Variants in DCBLD2 observed in about 807,000 individuals in gnomAD.
The protein encoded by DCBLD2 is discoidin, CUB and LCCL domain containing 2, also known as discoidin, CUB and LCCL domain-containing protein 2.
A neutral mutation model predicts 86.8 loss-of-function variants in DCBLD2; 54 were observed. The ratio of observed to expected loss-of-function variants is 0.62; its 90% CI spans 0.50 to 0.78. The LOEUF is 0.78. Among genes scored for constraint, DCBLD2 ranks in the 30% least tolerant of loss-of-function variants. The probability of loss-of-function intolerance (pLI) is 0.00; values close to 1 mark genes in which losing one functional copy is unlikely to be tolerated. For synonymous variants in DCBLD2, 354 were observed against 341.3 expected (o/e 1.04, Z -0.41); for missense variants, 908 against 954.2 (o/e 0.95, Z 0.64).
intron 5 of DCBLD2, 32 bp from the exon 6 acceptor site, chr3:98,822,393 T>C (rs761580464): frequency 6.3e-7 from 1 of 1,596,792 alleles, no homozygotes; most frequent in East Asian, 2.2e-5. Flanking sequence ...GATTCATTTT[T>C]AATTTTCTCT....
In DCBLD2 at chr3:98,799,175, G is replaced by T; in HGVS notation, c.*197C>A. On this transcript the variant is annotated 3_prime_UTR_variant, in exon 16 of 16. Coordinates refer to ENST00000326840, the MANE Select transcript of DCBLD2 (RefSeq NM_080927.4). Reference sequence around the variant, plus strand: ...AAACAGGACATTTGAAATTTAACAGGCGAGCAGTAACTGTGCCACCATAAC... The same window carrying T: ...AAACAGGACATTTGAAATTTAACAGTCGAGCAGTAACTGTGCCACCATAAC... 1.8e-6 allele frequency: 1 copy of T among 555,700 alleles called. No homozygotes were observed. The highest frequency in any genetic ancestry group is 3.1e-6 in the Non-Finnish European group (1 of 322,702). The allele number at this position is 555,700 out of a possible 1,614,324, so 34.4% of individuals were successfully genotyped here.
chr3:98,864,295 G>C (rs201102845), intron 2 of DCBLD2, among the ~76,000 whole-genome samples: 1 of 152,200 alleles, frequency 6.6e-6, no homozygotes, highest in Non-Finnish European at 1.5e-5. Flanking sequence ...AGACAGTGTG[G>C]CAATTCCTCA....
chr3:98,892,317 TG>T (rs1943676209), intron 1 of DCBLD2, among the ~76,000 whole-genome samples: 1 of 152,022 alleles, frequency 6.6e-6, no homozygotes, highest in African/African-American at 2.4e-5. Context: ...TCTTTATAAA[TG>T]TAACACTCTT....
chr3:98,859,847 G>A (rs956567243), intron 2 of DCBLD2, among the ~76,000 whole-genome samples: 1 of 152,206 alleles, frequency 6.6e-6, no homozygotes, highest in Non-Finnish European at 1.5e-5. Flanking sequence ...GCAGCTCCTC[G>A]CCAGCAACGG....
chr3:98,797,548 T>C lies in DCBLD2; in HGVS notation c.*1824A>G, dbSNP rs1458190958. The stretch of plus-strand genomic sequence containing the variant: ...TATATGTGCTTTCCACATCCATATA[T>C]GTTTTAATAAAAGTCTACCATCTAT... On this transcript the variant is annotated 3_prime_UTR_variant, in exon 16 of 16. Transcript: ENST00000326840. 6.6e-6 allele frequency: 1 copy of C among 152,526 alleles called. No individual in the cohort carries two copies. The highest frequency in any genetic ancestry group is 6.5e-5 in the Admixed American group (1 of 15,282). The allele number at this position is 152,526 out of a possible 1,614,324, so 9.4% of individuals were successfully genotyped here.
chr3:98,871,902 C>G (rs760877625), intron 2 of DCBLD2, among the ~76,000 whole-genome samples: 7 of 152,128 alleles, frequency 4.6e-5, no homozygotes, highest in Non-Finnish European at 7.4e-5. Flanking sequence ...TCCATCTGGT[C>G]CTGGGCATTC....
rs1015752996 is a variant in DCBLD2, at chr3:98,817,892, G to A, written c.1089C>T (p.Gly363=). 2 of 1,612,746 alleles carry A rather than the reference G, an allele frequency of 1.2e-6. No homozygotes were observed. Among genetic ancestry groups the A allele is most frequent in the Non-Finnish European group, 8.5e-7 (1 of 1,179,180 alleles). Residue 363 remains glycine (G), a splice_region_variant and synonymous_variant, in exon 9 of 16, where the codon GGC becomes GGT. Transcript: ENST00000326840. ...CCATGGTGGATCCAGTGGTTATAATGCCTGGGGAATGAAGAGTTGCTTTCA... is the reference window on the plus strand; with the variant it reads ...CCATGGTGGATCCAGTGGTTATAATACCTGGGGAATGAAGAGTTGCTTTCA... The part of the protein sequence containing the change: ...IDLNKEKKIT[G]IITTGSTMVE...
chr3:98,822,936 C>A (rs572126539), intron 4 of DCBLD2, among the ~76,000 whole-genome samples, 195 bp from the exon 5 acceptor site: 2 of 152,254 alleles, frequency 1.3e-5, no homozygotes, highest in East Asian at 3.9e-4. Flanking sequence ...GCAATGGCAC[C>A]TTCTTGGCTC....
At chr3:98,800,855 T>TC (rs1941706126) in intron 14 of DCBLD2, 139 bp from the exon 15 acceptor site, 4 of 653,954 alleles carry the variant, frequency 6.1e-6, no homozygotes, top group Admixed American at 4.6e-5. Flanking sequence ...TAATCCAACT[T>TC]TTTTTTTTTT....
At chr3:98,823,859 G>C (rs1038469076) in intron 4 of DCBLD2, among the ~76,000 whole-genome samples, 1 of 152,154 alleles carries the variant, frequency 6.6e-6, no homozygotes, top group South Asian at 2.1e-4. Context: ...ATGGGGTCTG[G>C]AGTCCATGCT....
At chr3:98,808,866 T>C (rs942506156) in intron 12 of DCBLD2, among the ~76,000 whole-genome samples, 4 of 152,130 alleles carry the variant, frequency 2.6e-5, no homozygotes, top group African/African-American at 9.7e-5. Flanking sequence ...AAAAGATGCA[T>C]CCTTAAAGAT....
intron 14 of DCBLD2, 137 bp from the exon 15 acceptor site, chr3:98,800,853 CTTTTTT>C: frequency 1.2e-6 from 1 of 842,550 alleles, no homozygotes; most frequent in Non-Finnish European, 1.8e-6. Context: ...TATAATCCAA[CTTTTTT>C]TTTTTTTTTT....
intron 2 of DCBLD2, among the ~76,000 whole-genome samples, chr3:98,862,008 C>A (rs945452999): frequency 6.6e-6 from 1 of 151,962 alleles, no homozygotes; most frequent in Non-Finnish European, 1.5e-5. Flanking sequence ...AGAGAAGAAT[C>A]AAATAGACGC....
intron 2 of DCBLD2, among the ~76,000 whole-genome samples, chr3:98,857,215 G>A (rs534963961): frequency 1.1e-3 from 161 of 152,190 alleles, no homozygotes; most frequent in African/African-American, 3.0e-3. Context: ...TCGTGGTCTC[G>A]CTGGCTTCAG....
intron 2 of DCBLD2, among the ~76,000 whole-genome samples, chr3:98,871,917 T>C (rs935707827): frequency 2.0e-5 from 3 of 152,100 alleles, no homozygotes; most frequent in Non-Finnish European, 4.4e-5. Flanking sequence ...GCATTCGTTG[T>C]TGTTGTTGTT....
At chr3:98,851,233 C>A (rs1942830214) in intron 2 of DCBLD2, among the ~76,000 whole-genome samples, 1 of 152,182 alleles carries the variant, frequency 6.6e-6, no homozygotes, top group African/African-American at 2.4e-5. Context: ...AGCTGATAGA[C>A]AACTTCAGCA....
At position 98,864,023 on chromosome 3, in the gene DCBLD2, C is replaced by A. The variant is rs1026624010; in HGVS notation, c.434-14425G>T. Among the ~76,000 whole-genome samples the A allele has an allele frequency of 3.9e-5, 6 of 152,008 alleles. 1 individual carries two copies. Among genetic ancestry groups the A allele is most frequent in the Admixed American group, 3.9e-4 (6 of 15,266 alleles). ...AACAAATTTACAAGAAAAAAACAAC[C>A]CCATCAACAAGTGGGCGAACGATAT... On this transcript the variant is annotated intron_variant, in intron 2 of 15. Transcript: ENST00000326840.
At chr3:98,843,197 TATTATACATACAAAC>T (rs1208902668) in intron 3 of DCBLD2, among the ~76,000 whole-genome samples, 1 of 152,214 alleles carries the variant, frequency 6.6e-6, no homozygotes, top group East Asian at 1.9e-4. Flanking sequence ...GTGTTAATTA[TATTATACATACAAAC>T]ATTATACATA....
At chr3:98,825,643 TTATATATATATATATATA>T (rs56736194) in intron 3 of DCBLD2, among the ~76,000 whole-genome samples, 94 of 115,084 alleles carry the variant, frequency 8.2e-4, no homozygotes, top group South Asian at 3.4e-3. Flanking sequence ...ATATGTGTAT[TTATATATATATATATATA>T]TATATATATA....
Sources: gnomAD v4.1 joint callset for allele counts (sites outside exome capture counted in the v4.1 genomes callset) on GRCh38, gnomAD v4.1.1 for gene constraint, MANE v1.5 for transcripts, NCBI Gene and HGNC (gene_info 2026-07-23, HGNC 2026-07-21) for gene names.